The following BAZ1A variants were observed in gnomAD, a reference collection of about 807,000 sequenced individuals.
BAZ1A encodes the protein bromodomain adjacent to zinc finger domain protein 1A.
Under a neutral mutation model 185.2 loss-of-function variants are expected in BAZ1A, and 50 were observed. The ratio of observed to expected loss-of-function variants is 0.27; its 90% CI spans 0.22 to 0.34. The LOEUF (loss-of-function observed/expected upper bound fraction) is 0.34, where lower values mean the gene tolerates loss of function less well. Among genes scored for constraint, BAZ1A ranks in the 10% least tolerant of loss-of-function variants. BAZ1A has a pLI of 1.00. For missense variants in BAZ1A, 1,356 were observed against 1,839.9 expected (o/e 0.74, Z 4.81); for synonymous variants, 571 against 615.6 (o/e 0.93, Z 1.07).
chr14:34,806,145 A>G (rs916461634), intron 6 of BAZ1A, among the ~76,000 whole-genome samples: 3 of 151,934 alleles, frequency 2.0e-5, no homozygotes. Context: ...TTGCCTCTAG[A>G]GACCTGAAAT....
intron 3 of BAZ1A, among the ~76,000 whole-genome samples, chr14:34,827,319 T>C (rs2042178009): frequency 6.6e-6 from 1 of 152,222 alleles, no homozygotes; most frequent in Non-Finnish European, 1.5e-5. Flanking sequence ...TCAGATCCTC[T>C]ATTTCTTAAC....
chr14:34,827,507 G>A (rs1200401), intron 3 of BAZ1A, among the ~76,000 whole-genome samples: 39,516 of 151,918 alleles, frequency 0.26, 5,910 homozygotes, highest in Middle Eastern at 0.36. Context: ...AGGCCGAGGC[G>A]GGTGGATCAC....
At chr14:34,821,984 C>CAAAATA (rs748632491) in intron 4 of BAZ1A, among the ~76,000 whole-genome samples, 1 of 151,388 alleles carries the variant, frequency 6.6e-6, no homozygotes, top group Non-Finnish European at 1.5e-5. Context: ...AACCCCATCT[C>CAAAATA]AAAATAAAAA....
chr14:34,758,860 TACA>T lies in BAZ1A; in HGVS notation c.4244-17_4244-15del. 1.2e-6 allele frequency: 2 copies of T among 1,611,624 alleles called. No homozygotes were observed. Among genetic ancestry groups the T allele is most frequent in the Non-Finnish European group, 1.7e-6 (2 of 1,179,370 alleles). ...CAGGCGATGGCTCTGAGTAAATAAT[TACA>T]ACATTTTAGGTGATAACAAAGCAAA... On this transcript the variant is annotated splice_polypyrimidine_tract_variant and intron_variant, in intron 24 of 26. Transcript: ENST00000360310.
At chr14:34,780,880 A>G (rs568059648) in intron 16 of BAZ1A, among the ~76,000 whole-genome samples, 4 of 152,298 alleles carry the variant, frequency 2.6e-5, no homozygotes, top group African/African-American at 9.6e-5. Context: ...CTGGGAAAGA[A>G]AGTAGATGAG....
At chr14:34,805,112 T>A (rs1316061093) in intron 6 of BAZ1A, among the ~76,000 whole-genome samples, 2 of 152,174 alleles carry the variant, frequency 1.3e-5, no homozygotes, top group Non-Finnish European at 2.9e-5. Context: ...CATGTGAAGA[T>A]GTGCTTGCTT....
At chr14:34,758,646 T>C in intron 25 of BAZ1A, 58 bp downstream of exon 25, 2 of 1,550,042 alleles carry the variant, frequency 1.3e-6, no homozygotes, top group South Asian at 1.2e-5. Flanking sequence ...TTCAAAGTTA[T>C]CACGTGGACT....
rs1275312918 is a variant in BAZ1A, at chr14:34,752,744, T to A, written c.*764A>T. ...GAGAATTCCAGATTATTTGAAAAAA[T>A]GTTATTTTATTTGTACAGTTAAAAA... On this transcript the variant is annotated 3_prime_UTR_variant, in exon 27 of 27. Coordinates refer to ENST00000360310, the MANE Select transcript of BAZ1A (RefSeq NM_013448.3). The A allele has an allele frequency of 2.0e-5, 3 of 152,146 alleles. No homozygotes were observed. The highest frequency in any genetic ancestry group is 7.2e-5 in the African/African-American group (3 of 41,442). The allele number at this position is 152,146 out of a possible 1,614,324, so 9.4% of individuals were successfully genotyped here.
intron 2 of BAZ1A, among the ~76,000 whole-genome samples, chr14:34,869,845 T>C (rs1034218937): frequency 5.9e-5 from 9 of 152,204 alleles, no homozygotes; most frequent in African/African-American, 1.9e-4. Flanking sequence ...AGAAATGATA[T>C]TGAGTGACTT....
In BAZ1A at chr14:34,875,183, G is replaced by A. The variant is rs922589103; in HGVS notation, c.-104C>T. ...ACTTGTCCACCTTCTCCACTACAAA[G>A]GCAACGAGGGGAGACCCCGTCCTCC... is the stretch of plus-strand genomic sequence containing the variant. On this transcript the variant is annotated 5_prime_UTR_variant, in exon 1 of 27. Coordinates refer to ENST00000360310, the MANE Select transcript of BAZ1A (RefSeq NM_013448.3). 7.4e-5 allele frequency: 33 copies of A among 443,950 alleles called. No homozygotes were observed. The highest frequency in any genetic ancestry group is 6.1e-4 in the African/African-American group (30 of 49,548). 27.5% of individuals were successfully genotyped at this position (443,950 alleles called of 1,614,324 possible).
In BAZ1A at chr14:34,856,289, C is replaced by CT. The variant is rs10707416; in HGVS notation, c.392+5754dup. Among the ~76,000 whole-genome samples the CT allele has an allele frequency of 4.6e-3, 625 of 134,492 alleles. 11 individuals carry two copies. Among genetic ancestry groups the CT allele is most frequent in the African/African-American group, 7.9e-3 (285 of 36,104 alleles). The allele number at this position is 134,492 out of a possible 152,430, so 88.2% of individuals were successfully genotyped here. ...CTCTCTTAACTGAACTCAAGAGCAT[C>CT]TTTTTTTTTTTTTTTTTGAGACCAG... On this transcript the variant is annotated intron_variant, in intron 3 of 26. Coordinates refer to ENST00000360310, the MANE Select transcript of BAZ1A (RefSeq NM_013448.3).
chr14:34,760,347 G>C (rs966526786), intron 24 of BAZ1A, among the ~76,000 whole-genome samples: 1 of 152,134 alleles, frequency 6.6e-6, no homozygotes, highest in African/African-American at 2.4e-5. Flanking sequence ...ACAAAATTAG[G>C]ATACTTCCCC....
chr14:34,864,151 T>C (rs906266791), intron 2 of BAZ1A, among the ~76,000 whole-genome samples: 1 of 152,040 alleles, frequency 6.6e-6, no homozygotes, highest in Non-Finnish European at 1.5e-5. Context: ...TTTTTATGTA[T>C]TTACTTTCCA....
chr14:34,843,529 A>G (rs2042450983), intron 3 of BAZ1A, among the ~76,000 whole-genome samples: 1 of 152,162 alleles, frequency 6.6e-6, no homozygotes. Flanking sequence ...GACCTAGACA[A>G]TCTAGTCCTA....
chr14:34,842,304 C>T (rs1237755323), intron 3 of BAZ1A, among the ~76,000 whole-genome samples: 1 of 152,166 alleles, frequency 6.6e-6, no homozygotes, highest in Non-Finnish European at 1.5e-5. Context: ...TTTGTTTCCC[C>T]CATACTTGCT....
intron 3 of BAZ1A, among the ~76,000 whole-genome samples, chr14:34,844,205 CAAAAAAAAAAAAA>C (rs71121227): frequency 0.03 from 3,243 of 109,862 alleles, 146 homozygotes; most frequent in African/African-American, 0.11. Context: ...GACTCCGTCT[CAAAAAAAAAAAAA>C]AAAAAAAAAA....
intron 12 of BAZ1A, 121 bp from the exon 13 acceptor site, chr14:34,786,342 A>T (rs1347130645): frequency 1.2e-6 from 1 of 818,462 alleles, no homozygotes; most frequent in Non-Finnish European, 1.9e-6. Flanking sequence ...TCAAAAGAAC[A>T]AACACTAGGT....
At chr14:34,766,312 ACTAGT>A (rs1878837315) in intron 21 of BAZ1A, among the ~76,000 whole-genome samples, 1 of 152,222 alleles carries the variant, frequency 6.6e-6, no homozygotes, top group African/African-American at 2.4e-5. Flanking sequence ...AAGATAAGAA[ACTAGT>A]CTATTCTATG....
chr14:34,873,650 G>C (rs1566609394), intron 2 of BAZ1A, among the ~76,000 whole-genome samples: 1 of 152,142 alleles, frequency 6.6e-6, no homozygotes, highest in Admixed American at 6.5e-5. Context: ...CGCGCTTCCC[G>C]GCTATGCGAA....
Sources: allele counts gnomAD v4.1 joint callset (sites outside exome capture counted in the v4.1 genomes callset), GRCh38; gene constraint gnomAD v4.1.1; transcripts MANE v1.5; gene names NCBI Gene and HGNC (gene_info 2026-07-23, HGNC 2026-07-21).